The following ARNT variants were observed in gnomAD, a reference collection of about 807,000 sequenced individuals.
ARNT encodes class E basic helix-loop-helix protein 2.
In ARNT, 30 loss-of-function variants were observed where a neutral mutation model predicts 105.0. That is an observed-to-expected ratio of 0.29 (90% CI 0.21 to 0.39). The LOEUF is 0.39. Among genes scored for constraint, ARNT ranks in the 10% least tolerant of loss-of-function variants. The pLI is 1.00. For synonymous variants in ARNT, 304 were observed against 344.0 expected (o/e 0.88, Z 1.29); for missense variants, 748 against 978.7 (o/e 0.76, Z 3.15).
At chr1:150,827,485 T>C (rs1658513448) in intron 12 of ARNT, among the ~76,000 whole-genome samples, 1 of 152,270 alleles carries the variant, frequency 6.6e-6, no homozygotes, top group Admixed American at 6.5e-5. Flanking sequence ...GAAGTTCATC[T>C]ACATGGCTGC....
At position 150,834,544 on chromosome 1, in the gene ARNT, C is replaced by T. The variant is rs1406051221; in HGVS notation, c.797G>A (p.Arg266Gln). 8 of 1,613,756 alleles carry T rather than the reference C, an allele frequency of 5.0e-6. No homozygotes were observed. The highest frequency in any genetic ancestry group is 1.7e-5 in the Admixed American group (1 of 60,010). Residue 266 changes from arginine to glutamine, a missense_variant, in exon 8 of 22, where the codon CGA becomes CAA. Arg to Gln is a conservative substitution (Grantham distance 43, BLOSUM62 1). Around this residue, in one of 4 missense-constraint regions of ARNT, gnomAD observed 291 missense variants for 444.6 expected, o/e 0.65. Transcript: ENST00000358595. Reference sequence around the variant, plus strand: ...TCCTCAGCTTGACACTCACCTCATTCGGCAAATAAACGATCTCCTTGAGCC... The same window carrying T: ...TCCTCAGCTTGACACTCACCTCATTTGGCAAATAAACGATCTCCTTGAGCC... The part of the protein sequence containing the change: ...CMGSRRSFIC[R>Q]MRCGSSSVDP...
Position 150,832,324 on chromosome 1 carries a change from A to G in ARNT, c.869+10T>C. On this transcript the variant is annotated intron_variant, in intron 9 of 21. Coordinates refer to ENST00000358595, the MANE Select transcript of ARNT (RefSeq NM_001668.4). Reference sequence around the variant, plus strand: ...GCCATCCCTTTGGTTTTCACCACTTAGGATCTCACCTGCATCTGTTCCTCA... The same window carrying G: ...GCCATCCCTTTGGTTTTCACCACTTGGGATCTCACCTGCATCTGTTCCTCA... The G allele has an allele frequency of 1.9e-6, 3 of 1,614,106 alleles. No homozygotes were observed. Among genetic ancestry groups the G allele is most frequent in the Non-Finnish European group, 2.5e-6 (3 of 1,179,960 alleles).
intron 1 of ARNT, among the ~76,000 whole-genome samples, chr1:150,864,286 T>C (rs1666157617): frequency 6.6e-6 from 1 of 152,092 alleles, no homozygotes; most frequent in Admixed American, 6.6e-5. Flanking sequence ...AGTCCTTTGA[T>C]GACCAAAGTG....
intron 9 of ARNT, 21 bp from the exon 10 acceptor site, chr1:150,831,924 T>TTA: frequency 1.8e-5 from 24 of 1,368,182 alleles, no homozygotes; most frequent in African/African-American, 3.3e-5. Context: ...TACAGGAGTT[T>TTA]GAAAAAAAAA....
At position 150,876,555 on chromosome 1, in the gene ARNT, T is replaced by C; in HGVS notation, c.13A>G (p.Thr5Ala). Residue 5 changes from threonine (T) to alanine (A), a missense_variant, in exon 1 of 22, where the codon ACT becomes GCT. Thr to Ala is a moderately conservative substitution (Grantham distance 58). Coordinates refer to ENST00000358595, the MANE Select transcript of ARNT (RefSeq NM_001668.4). ...TCCGTCTCCTCACCGGGGTTGGCAG[T>C]AGTCGCCGCCATGGCCGCAGATGCC... is the stretch of plus-strand genomic sequence containing the variant. MAAT[T>A]ANPEMTSDVP... The C allele has an allele frequency of 1.3e-6, 2 of 1,549,440 alleles. No individual in the cohort carries two copies. The highest frequency in any genetic ancestry group is 1.2e-5 in the South Asian group (1 of 84,106).
chr1:150,839,548 C>G lies in ARNT; in HGVS notation c.379G>C (p.Asp127His). ...GCCATGCGTAAGATGGTTAGCTTGTCTGGTTTTCGAGCCAGGGCACTACAG... is the reference window on the plus strand; with the variant it reads ...GCCATGCGTAAGATGGTTAGCTTGTGTGGTTTTCGAGCCAGGGCACTACAG... Reference protein sequence around the residue: ...PTCSALARKPDKLTILRMAVS... With the variant: ...PTCSALARKPHKLTILRMAVS... Residue 127 changes from aspartate to histidine, a missense_variant, in exon 6 of 22, where the codon GAC (aspartate) becomes CAC (histidine). Physicochemically the swap from Asp to His is moderately conservative, Grantham distance 81. Around this residue, in one of 4 missense-constraint regions of ARNT, gnomAD observed 291 missense variants for 444.6 expected, o/e 0.65. Coordinates refer to ENST00000358595, the MANE Select transcript of ARNT (RefSeq NM_001668.4). The G allele has an allele frequency of 1.2e-6, 2 of 1,614,194 alleles. No individual in the cohort carries two copies. Among genetic ancestry groups the G allele is most frequent in the Non-Finnish European group, 1.7e-6 (2 of 1,180,034 alleles).
intron 21 of ARNT, among the ~76,000 whole-genome samples, 162 bp from the exon 22 acceptor site, chr1:150,812,272 C>T (rs796390842): frequency 8.5e-5 from 13 of 152,290 alleles, no homozygotes; most frequent in African/African-American, 2.4e-4. Flanking sequence ...TCCTTTAGAT[C>T]GCAGCCTTTT....
Position 150,829,167 on chromosome 1 carries a change from A to C in ARNT, c.1093T>G (p.Ser365Ala). ...AAGATACCCTCAATGTTGTGTCGGG[A>C]GATGAACTCTGTTGGTTGACAAACA... ...SNVCQPTEFI[S>A]RHNIEGIFTF... The change falls in exon 12 of 22, where the codon TCC becomes GCC. Residue 365 changes from serine to alanine, a missense_variant. Ser to Ala is a moderately conservative substitution (Grantham distance 99). Around this residue, in one of 4 missense-constraint regions of ARNT, gnomAD observed 291 missense variants for 444.6 expected, o/e 0.65. Transcript: ENST00000358595. 6.2e-7 allele frequency: 1 copy of C among 1,614,192 alleles called. No individual in the cohort carries two copies. The highest frequency in any genetic ancestry group is 1.1e-5 in the South Asian group (1 of 91,082).
In ARNT at chr1:150,873,050, C is replaced by T. The variant is rs587696396; in HGVS notation, c.25+3493G>A. The stretch of plus-strand genomic sequence containing the variant: ...CTGTAATCCCAGCACTTTGGGAGGC[C>T]GAGGCAGGCGGATCACAAGGTCAGG... On this transcript the variant is annotated intron_variant, in intron 1 of 21. Coordinates refer to ENST00000358595, the MANE Select transcript of ARNT (RefSeq NM_001668.4). 5.9e-5 allele frequency among the ~76,000 whole-genome samples: 9 copies of T among 151,820 alleles called. No individual in the cohort carries two copies. In the South Asian group the frequency reaches 8.3e-4, roughly 14 times the overall value.
Position 150,876,581 on chromosome 1 carries a change from A to G in ARNT, c.-14T>C, listed in dbSNP as rs770473525. ...AGTCGCCGCCATGGCCGCAGATGCC[A>G]CCGCCGCCGCGCCACCCCCCCCCCC... On this transcript the variant is annotated 5_prime_UTR_variant, in exon 1 of 22. Transcript: ENST00000358595. 6.7e-6 allele frequency: 10 copies of G among 1,500,224 alleles called. No homozygotes were observed. The highest frequency in any genetic ancestry group is 2.2e-5 in the Admixed American group (1 of 44,728). 92.9% of individuals were successfully genotyped at this position (1,500,224 alleles called of 1,614,324 possible).
Position 150,832,406 on chromosome 1 carries a change from CA to C in ARNT, c.804-8del. The C allele has an allele frequency of 6.2e-7, 1 of 1,613,996 alleles. No homozygotes were observed. The highest frequency in any genetic ancestry group is 8.5e-7 in the Non-Finnish European group (1 of 1,179,956). ...CACAGAGCTACTGCCACACCTGTTT[CA>C]AGGAATAAAGAGATTAAAAGCAATC... On this transcript the variant is annotated splice_polypyrimidine_tract_variant and splice_region_variant and intron_variant, in intron 8 of 21. Transcript: ENST00000358595.
intron 16 of ARNT, 67 bp downstream of exon 16, chr1:150,817,294 C>T (rs1446878221): frequency 1.2e-6 from 2 of 1,611,294 alleles, no homozygotes; most frequent in Non-Finnish European, 1.7e-6. Flanking sequence ...TACATTCTAA[C>T]TAGTACCGGA....
At chr1:150,873,242 T>C (rs1349655823) in intron 1 of ARNT, among the ~76,000 whole-genome samples, 2 of 150,694 alleles carry the variant, frequency 1.3e-5, no homozygotes, top group East Asian at 3.9e-4. Context: ...TGAGCCAAGA[T>C]AGCACCACTG....
At chr1:150,868,320 A>C (rs1415626500) in intron 1 of ARNT, among the ~76,000 whole-genome samples, 1 of 152,054 alleles carries the variant, frequency 6.6e-6, no homozygotes, top group Non-Finnish European at 1.5e-5. Context: ...CTCAAAGAAG[A>C]GTCCTAGCCT....
chr1:150,818,315 G>A, intron 14 of ARNT: 1 of 259,806 alleles, frequency 3.8e-6, no homozygotes, highest in East Asian at 6.9e-5. Context: ...ATTCATATAA[G>A]GTATTTTTTA....
intron 14 of ARNT, among the ~76,000 whole-genome samples, chr1:150,819,151 G>A (rs1656549120): frequency 2.6e-5 from 4 of 151,536 alleles, no homozygotes; most frequent in Admixed American, 2.0e-4. Flanking sequence ...GTGGATTCAA[G>A]GCCAATTCTA....
intron 15 of ARNT, 38 bp downstream of exon 15, chr1:150,817,882 G>A (rs1269310689): frequency 1.3e-6 from 2 of 1,520,208 alleles, no homozygotes; most frequent in Admixed American, 1.9e-5. Context: ...CACCCCCTGG[G>A]TGACTGCTCA....
chr1:150,840,866 T>C (rs1372701802), intron 5 of ARNT, among the ~76,000 whole-genome samples: 1 of 151,994 alleles, frequency 6.6e-6, no homozygotes, highest in Non-Finnish European at 1.5e-5. Flanking sequence ...GTGTCCTCCA[T>C]GGGGATGCCT....
chr1:150,814,366 A>G, intron 19 of ARNT, 127 bp from the exon 20 acceptor site: 4 of 895,668 alleles, frequency 4.5e-6, no homozygotes, highest in Non-Finnish European at 6.6e-6. Context: ...CTTATTTCCT[A>G]TTGTATATTT....
Sources: gnomAD v4.1 joint callset for allele counts (sites outside exome capture counted in the v4.1 genomes callset) on GRCh38, gnomAD v4.1.1 for gene constraint, gnomAD v4.1.1 regional missense constraint, MANE v1.5 for transcripts, NCBI Gene and HGNC (gene_info 2026-07-23, HGNC 2026-07-21) for gene names.